Variants in ADCY7 observed in about 807,000 individuals in gnomAD.
ADCY7 encodes adenylate cyclase 7, also known as adenylate cyclase type 7.
Under a neutral mutation model 120.6 loss-of-function variants are expected in ADCY7, and 72 were observed. The observed-to-expected ratio is 0.60, with a 90% CI of 0.49 to 0.73. The LOEUF (loss-of-function observed/expected upper bound fraction) is 0.73. Ranked by LOEUF, ADCY7 falls within the 30% of genes least tolerant of loss-of-function variation. The probability of loss-of-function intolerance (pLI) is 0.00; values close to 1 mark genes in which losing one functional copy is unlikely to be tolerated. For synonymous variants in ADCY7, 661 were observed against 628.0 expected (o/e 1.05, Z -0.78); for missense variants, 1,227 against 1,486.0 (o/e 0.83, Z 2.87).
chr16:50,277,155 C>T (rs949176608), intron 1 of ADCY7, among the ~76,000 whole-genome samples: 1 of 152,172 alleles, frequency 6.6e-6, no homozygotes, highest in African/African-American at 2.4e-5. Flanking sequence ...TTTTTGACAG[C>T]TGCATAGTAT....
At chr16:50,307,928 G>A (rs962929119) in intron 15 of ADCY7, among the ~76,000 whole-genome samples, 4 of 150,784 alleles carry the variant, frequency 2.7e-5, no homozygotes, top group Admixed American at 6.6e-5. Flanking sequence ...CCTGGGAGGC[G>A]GAGGTTGCAG....
At chr16:50,299,966 T>G (rs1204828901) in intron 8 of ADCY7, among the ~76,000 whole-genome samples, 6 of 152,310 alleles carry the variant, frequency 3.9e-5, no homozygotes, top group East Asian at 3.9e-4. Context: ...CCAGGGCCCC[T>G]GCTTCCCAGG....
At chr16:50,289,006 C>T (rs1218299171) in intron 2 of ADCY7, among the ~76,000 whole-genome samples, 1 of 152,120 alleles carries the variant, frequency 6.6e-6, no homozygotes, top group Non-Finnish European at 1.5e-5. Flanking sequence ...TGGTTTCAGA[C>T]ATTACATTAA....
At chr16:50,296,816 A>G (rs1400043931) in intron 7 of ADCY7, among the ~76,000 whole-genome samples, 1 of 152,188 alleles carries the variant, frequency 6.6e-6, no homozygotes, top group Admixed American at 6.5e-5. Context: ...TGCAGGGGGT[A>G]ACCAAGCTTC....
At chr16:50,294,212 C>T (rs2035190291) in intron 6 of ADCY7, among the ~76,000 whole-genome samples, 1 of 152,146 alleles carries the variant, frequency 6.6e-6, no homozygotes, top group Non-Finnish European at 1.5e-5. Flanking sequence ...TCGGCAAGGG[C>T]TGTGTGAGGA....
At chr16:50,305,015 CT>C in intron 12 of ADCY7, 56 bp downstream of exon 12, 1 of 1,605,988 alleles carries the variant, frequency 6.2e-7, no homozygotes, top group African/African-American at 1.3e-5. Flanking sequence ...TCCAAGCAGG[CT>C]GCCCTGAGCA....
upstream of ADCY7, among the ~76,000 whole-genome samples, chr16:50,263,875 G>A (rs538951590): frequency 1.6e-4 from 25 of 152,080 alleles, no homozygotes; most frequent in African/African-American, 5.5e-4. Flanking sequence ...TCAGCCTCTC[G>A]CCCACTGGGC....
upstream of ADCY7, among the ~76,000 whole-genome samples, chr16:50,245,935 C>T (rs534416821): frequency 1.4e-5 from 2 of 144,298 alleles, no homozygotes; most frequent in East Asian, 2.2e-4. Flanking sequence ...CAGCGCCTTT[C>T]CCACGGTTCT....
intron 1 of ADCY7, among the ~76,000 whole-genome samples, chr16:50,281,336 A>T (rs905755399): frequency 1.3e-5 from 2 of 152,228 alleles, no homozygotes; most frequent in Non-Finnish European, 2.9e-5. Context: ...GGGTGCAGGC[A>T]TCCTCCCAGA....
chr16:50,313,181 T>C (rs2036579097), intron 22 of ADCY7, 145 bp downstream of exon 22: 1 of 1,095,444 alleles, frequency 9.1e-7, no homozygotes, highest in Non-Finnish European at 1.3e-6. Context: ...CTTTGGGAGG[T>C]CAAGGTGGGT....
At chr16:50,288,453 G>A in intron 2 of ADCY7, 103 bp downstream of exon 2, 2 of 1,241,054 alleles carry the variant, frequency 1.6e-6, no homozygotes, top group Non-Finnish European at 2.1e-6. Flanking sequence ...TCTGTAAAAT[G>A]CTATGCTTTT....
At chr16:50,286,856 C>T (rs2150937846) in intron 1 of ADCY7, among the ~76,000 whole-genome samples, 1 of 152,308 alleles carries the variant, frequency 6.6e-6, no homozygotes, top group Middle Eastern at 3.4e-3. Flanking sequence ...CTACCTCACA[C>T]CATACCCAGA....
rs920661451 is a variant in ADCY7, at chr16:50,317,154, A to G, written c.*1649A>G. On this transcript the variant is annotated 3_prime_UTR_variant, in exon 26 of 26. Transcript: ENST00000673801. ...AGGGCAGGTGTATTCTAATTTGCAC[A>G]AAGGTGCTGGGTAGACTAGTGGCAG... 6.5e-6 allele frequency: 1 copy of G among 152,812 alleles called. No individual in the cohort carries two copies. The allele number at this position is 152,812 out of a possible 1,614,324, so 9.5% of individuals were successfully genotyped here. A position where few individuals can be genotyped will look rare whatever the true frequency, so the allele number is the denominator to read the frequency against.
chr16:50,293,518 T>G lies in ADCY7; in HGVS notation c.836+16T>G, dbSNP rs779923972. On this transcript the variant is annotated intron_variant, in intron 6 of 25. Coordinates refer to ENST00000673801, the MANE Select transcript of ADCY7 (RefSeq NM_001114.5). ...AGAATGTCAGGTGGGCGGTGAGACGTGTGATTAGCATATCCCGGGGACTGG... is the reference window on the plus strand; with the variant it reads ...AGAATGTCAGGTGGGCGGTGAGACGGGTGATTAGCATATCCCGGGGACTGG... 1.9e-6 allele frequency: 3 copies of G among 1,613,014 alleles called. No individual in the cohort carries two copies. The highest frequency in any genetic ancestry group is 2.5e-6 in the Non-Finnish European group (3 of 1,179,606).
intron 1 of ADCY7, among the ~76,000 whole-genome samples, chr16:50,256,194 T>C (rs907272230): frequency 6.6e-6 from 1 of 152,116 alleles, no homozygotes; most frequent in Non-Finnish European, 1.5e-5. Flanking sequence ...AAGAAGTTAA[T>C]ATCCAAAATA....
intron 8 of ADCY7, among the ~76,000 whole-genome samples, chr16:50,299,773 C>T (rs925873039): frequency 2.6e-5 from 4 of 152,230 alleles, no homozygotes; most frequent in Admixed American, 2.6e-4. Context: ...GGAGGTTGTA[C>T]AGGCCCTCGT....
chr16:50,245,019 T>C (rs2032538865), upstream of ADCY7, among the ~76,000 whole-genome samples: 1 of 152,160 alleles, frequency 6.6e-6, no homozygotes, highest in Non-Finnish European at 1.5e-5. Context: ...GCCATCTGAT[T>C]TCTCAGCATG....
At chr16:50,292,965 C>A in intron 5 of ADCY7, 140 bp downstream of exon 5, 2 of 1,133,322 alleles carry the variant, frequency 1.8e-6, no homozygotes, top group Non-Finnish European at 1.3e-6. Context: ...GAGTCCTGGG[C>A]TCCAGCAGGG....
chr16:50,248,088 C>T (rs1211453987), intron 1 of ADCY7, among the ~76,000 whole-genome samples: 4 of 152,110 alleles, frequency 2.6e-5, no homozygotes, highest in Admixed American at 2.6e-4. Flanking sequence ...AGCAAGGAGC[C>T]GGGCTGTTCT....
Sources: gnomAD v4.1 joint callset for allele counts (sites outside exome capture counted in the v4.1 genomes callset) on GRCh38, gnomAD v4.1.1 for gene constraint, MANE v1.5 for transcripts, NCBI Gene and HGNC (gene_info 2026-07-23, HGNC 2026-07-21) for gene names.